Variants in BTBD7 observed in about 807,000 individuals in gnomAD.
The protein encoded by BTBD7 is BTB domain containing 7, also known as BTB/POZ domain-containing protein 7.
BTBD7 carries 38 observed loss-of-function variants against 99.9 expected under a neutral mutation model. The observed-to-expected ratio is 0.38, with a 90% CI of 0.29 to 0.50. The LOEUF (loss-of-function observed/expected upper bound fraction) is 0.50. Ranked by LOEUF, BTBD7 falls within the 20% of genes least tolerant of loss-of-function variation. BTBD7 has a pLI of 0.93. For synonymous variants in BTBD7, 520 were observed against 511.4 expected, an observed-to-expected ratio of 1.02 and a Z score of -0.23; for missense variants, 1,170 against 1,394.6, an observed-to-expected ratio of 0.84 and a Z score of 2.57.
intron 3 of BTBD7, among the ~76,000 whole-genome samples, chr14:93,265,472 G>A (rs1191786431): frequency 1.3e-5 from 2 of 152,216 alleles, no homozygotes; most frequent in African/African-American, 4.8e-5. Context: ...CTAAACCTGT[G>A]CTAAGTAAAA....
chr14:93,296,038 G>T lies in BTBD7; in HGVS notation c.14C>A (p.Ala5Glu). The change falls in exon 2 of 11, where the codon GCA becomes GAA. Residue 5 changes from alanine to glutamate, a missense_variant. Physicochemically the swap from Ala to Glu is moderately radical, Grantham distance 107 (BLOSUM62 -1). This residue lies in a region of BTBD7 where 359 missense variants were observed against 497.9 expected (regional missense o/e 0.72). Transcript: ENST00000334746. ...GGAACATGAATGAGGATAATTAGAT[G>T]CATTAGCACCCATTTTCTTCAGTCA... MGAN[A>E]SNYPHSCSPR... 6.2e-7 allele frequency: 1 copy of T among 1,613,756 alleles called. No individual in the cohort carries two copies. The highest frequency in any genetic ancestry group is 8.5e-7 in the Non-Finnish European group (1 of 1,179,824).
chr14:93,332,923 G>T lies in BTBD7; in HGVS notation c.-210C>A. 8.7e-7 allele frequency: 1 copy of T among 1,154,584 alleles called. No homozygotes were observed. The allele number at this position is 1,154,584 out of a possible 1,614,324, so 71.5% of individuals were successfully genotyped here. ...CGTCCGCACCGGCGCCAGCACCCCC[G>T]GCCATCCTCCTCCCACCGCCGCCGC... On this transcript the variant is annotated 5_prime_UTR_variant, in exon 1 of 11. Transcript: ENST00000334746.
At chr14:93,306,421 A>G (rs2053070922) in intron 1 of BTBD7, among the ~76,000 whole-genome samples, 2 of 150,864 alleles carry the variant, frequency 1.3e-5, no homozygotes, top group African/African-American at 4.9e-5. Context: ...CTGGGCAACA[A>G]AACAACCTCA....
intron 1 of BTBD7, among the ~76,000 whole-genome samples, chr14:93,325,994 G>C (rs1731750254): frequency 1.3e-5 from 2 of 152,020 alleles, no homozygotes; most frequent in African/African-American, 4.8e-5. Context: ...GTATCTGAAA[G>C]ATTCAATTTG....
At chr14:93,303,218 AAAGT>A (rs1270903291) in intron 1 of BTBD7, among the ~76,000 whole-genome samples, 7 of 152,224 alleles carry the variant, frequency 4.6e-5, no homozygotes, top group Middle Eastern at 3.2e-3. Context: ...ACAGTCCAGG[AAAGT>A]AAGTGTTAAT....
intron 5 of BTBD7, among the ~76,000 whole-genome samples, chr14:93,259,472 A>G (rs1348645710): frequency 1.3e-5 from 2 of 152,232 alleles, no homozygotes; most frequent in African/African-American, 2.4e-5. Context: ...CTGTCTTGTT[A>G]GAACTCAGCT....
intron 1 of BTBD7, among the ~76,000 whole-genome samples, chr14:93,319,074 G>C (rs754286187): frequency 6.6e-6 from 1 of 152,192 alleles, no homozygotes; most frequent in Non-Finnish European, 1.5e-5. Context: ...AAGTGTGATA[G>C]TGTGTGCCTG....
intron 10 of BTBD7, 102 bp from the exon 11 acceptor site, chr14:93,243,190 T>C: frequency 8.5e-7 from 1 of 1,178,190 alleles, no homozygotes; most frequent in Non-Finnish European, 1.2e-6. Context: ...AATTAACACA[T>C]TCTGTTTTTG....
intron 3 of BTBD7, among the ~76,000 whole-genome samples, chr14:93,284,696 A>G (rs1237117993): frequency 6.6e-6 from 1 of 152,218 alleles, no homozygotes; most frequent in Non-Finnish European, 1.5e-5. Context: ...CCCTAAGAAC[A>G]ATAAAAAGTG....
chr14:93,238,151 G>C lies in BTBD7; in HGVS notation c.*4122C>G, dbSNP rs1282040971. The C allele has an allele frequency of 2.6e-5, 4 of 152,448 alleles. No homozygotes were observed. Among genetic ancestry groups the C allele is most frequent in the African/African-American group, 7.2e-5 (3 of 41,384 alleles). The allele number at this position is 152,448 out of a possible 1,614,324, so 9.4% of individuals were successfully genotyped here. Reference sequence around the variant, plus strand: ...CTCACATAAACACACAAATACAAGAGGTTATTTTCAAGACACACACTTGCA... The same window carrying C: ...CTCACATAAACACACAAATACAAGACGTTATTTTCAAGACACACACTTGCA... On this transcript the variant is annotated 3_prime_UTR_variant, in exon 11 of 11. Coordinates refer to ENST00000334746, the MANE Select transcript of BTBD7 (RefSeq NM_001002860.4).
rs772948806 is a variant in BTBD7, at chr14:93,242,515, G to A, written c.3157C>T (p.His1053Tyr). Residue 1053 changes from histidine to tyrosine, a missense_variant, in exon 11 of 11, where the codon CAT becomes TAT. Physicochemically the swap from His to Tyr is moderately conservative, Grantham distance 83. Around this residue, in one of 4 missense-constraint regions of BTBD7, gnomAD observed 495 missense variants for 525.9 expected, o/e 0.94. Transcript: ENST00000334746. ...APENASTGPA[H>Y]VRGRTAVETD... ...TCTACTGCAGTTCGTCCCCTGACAT[G>A]GGCTGGACCGGTACTAGCATTTTCT... The A allele has an allele frequency of 2.3e-5, 37 of 1,614,114 alleles. 1 individual carries two copies. The highest frequency in any genetic ancestry group is 3.3e-5 in the Admixed American group (2 of 60,002).
At chr14:93,282,185 C>G (rs1172241901) in intron 3 of BTBD7, among the ~76,000 whole-genome samples, 1 of 152,146 alleles carries the variant, frequency 6.6e-6, no homozygotes, top group Non-Finnish European at 1.5e-5. Flanking sequence ...GCAGTGTTTT[C>G]ACAGTAACAG....
At chr14:93,247,161 G>A (rs1240796094) in intron 9 of BTBD7, among the ~76,000 whole-genome samples, 1 of 151,292 alleles carries the variant, frequency 6.6e-6, no homozygotes, top group African/African-American at 2.4e-5. Flanking sequence ...CGAGGAACCG[G>A]GACTACTGGC....
chr14:93,283,338 A>G (rs2052742096), intron 3 of BTBD7, among the ~76,000 whole-genome samples: 1 of 152,178 alleles, frequency 6.6e-6, no homozygotes. Flanking sequence ...ATGGCCTCCC[A>G]AAGTGTTGGG....
intron 3 of BTBD7, among the ~76,000 whole-genome samples, chr14:93,271,779 C>T (rs766769147): frequency 1.3e-5 from 2 of 151,990 alleles, no homozygotes; most frequent in African/African-American, 2.4e-5. Flanking sequence ...CCAAGACGGG[C>T]GGATCGTTTG....
rs45594445 is a variant in BTBD7 at position 93,240,261 on chromosome 14, G to C, written c.*2012C>G. ...TAACCAGTCAGGCAGCAGAACGAGT[G>C]GCGGCAGTTTGCCGGGGCGTGCAGA... On this transcript the variant is annotated 3_prime_UTR_variant, in exon 11 of 11. Coordinates refer to ENST00000334746, the MANE Select transcript of BTBD7 (RefSeq NM_001002860.4). The C allele has an allele frequency of 6.5e-6, 1 of 152,678 alleles. No individual in the cohort carries two copies. Among genetic ancestry groups the C allele is most frequent in the South Asian group, 2.1e-4 (1 of 4,836 alleles). 9.5% of individuals were successfully genotyped at this position (152,678 alleles called of 1,614,324 possible).
chr14:93,278,657 C>T (rs1441112013), intron 3 of BTBD7, among the ~76,000 whole-genome samples: 1 of 152,136 alleles, frequency 6.6e-6, no homozygotes, highest in Admixed American at 6.6e-5. Flanking sequence ...CACATCTAAA[C>T]ATTAAAAAAG....
At chr14:93,327,430 T>G (rs964697846) in intron 1 of BTBD7, among the ~76,000 whole-genome samples, 2 of 152,194 alleles carry the variant, frequency 1.3e-5, no homozygotes, top group African/African-American at 4.8e-5. Flanking sequence ...ATTATTTTTA[T>G]CAATCAAAAC....
intron 1 of BTBD7, among the ~76,000 whole-genome samples, chr14:93,299,682 A>C (rs1285271558): frequency 6.6e-6 from 1 of 152,108 alleles, no homozygotes; most frequent in Non-Finnish European, 1.5e-5. Flanking sequence ...GCGGGGAATC[A>C]TGTTGAATGC....
Sources: gnomAD v4.1 joint callset for allele counts (sites outside exome capture counted in the v4.1 genomes callset) on GRCh38, gnomAD v4.1.1 for gene constraint, gnomAD v4.1.1 regional missense constraint, MANE v1.5 for transcripts, NCBI Gene and HGNC (gene_info 2026-07-23, HGNC 2026-07-21) for gene names.